POU6F2: variants seen among roughly 807,000 people sequenced by gnomAD.
The protein encoded by POU6F2 is POU class 6 homeobox 2, also known as POU domain, class 6, transcription factor 2.
In POU6F2, 31 loss-of-function variants were observed where a neutral mutation model predicts 71.3. That is an observed-to-expected ratio of 0.43 (90% CI 0.33 to 0.59). The LOEUF (loss-of-function observed/expected upper bound fraction) is 0.59, where lower values mean the gene tolerates loss of function less well. Among genes scored for constraint, POU6F2 ranks in the 20% least tolerant of loss-of-function variants. The probability of loss-of-function intolerance (pLI) is 0.04; values close to 1 mark genes in which losing one functional copy is unlikely to be tolerated. For missense variants in POU6F2, 783 were observed against 856.8 expected (o/e 0.91, Z 1.07); for synonymous variants, 347 against 355.7 (o/e 0.98, Z 0.27).
intron 3 of POU6F2, among the ~76,000 whole-genome samples, chr7:39,206,169 A>G (rs938158190): frequency 1.3e-5 from 2 of 152,230 alleles, no homozygotes; most frequent in Non-Finnish European, 2.9e-5. Context: ...TTCTTGTAGA[A>G]GAACAACAGA....
chr7:39,433,155 C>G lies in POU6F2; in HGVS notation c.1192C>G (p.Gln398Glu). Reference sequence around the variant, plus strand: ...AAGCGGCACTCAGGGCTTGCAAGTGCAGCCAATCACCCCCCAGCTCCTCAC... The same window carrying G: ...AAGCGGCACTCAGGGCTTGCAAGTGGAGCCAATCACCCCCCAGCTCCTCAC... ...AASGTQGLQVQPITPQLLTNA... is the reference protein window; with the variant it reads ...AASGTQGLQVEPITPQLLTNA... The change falls in exon 7 of 10, where the codon CAG (glutamine) becomes GAG (glutamate). Residue 398 changes from glutamine to glutamate, a missense_variant. Physicochemically the swap from Gln to Glu is conservative, Grantham distance 29 (BLOSUM62 2). This residue lies in a region of POU6F2 where 572 missense variants were observed against 572.9 expected (regional missense o/e 1.00). Coordinates refer to ENST00000518318, the MANE Select transcript of POU6F2 (RefSeq NM_001370959.1). 5.0e-6 allele frequency: 8 copies of G among 1,613,878 alleles called. No individual in the cohort carries two copies. Among genetic ancestry groups the G allele is most frequent in the Non-Finnish European group, 6.8e-6 (8 of 1,179,876 alleles).
At chr7:39,430,650 C>T (rs1178556534) in intron 6 of POU6F2, among the ~76,000 whole-genome samples, 2 of 152,178 alleles carry the variant, frequency 1.3e-5, no homozygotes, top group East Asian at 1.9e-4. Context: ...CGGGACAGAA[C>T]GCCTCTCTCT....
chr7:39,035,284 C>G (rs989520605), intron 1 of POU6F2, among the ~76,000 whole-genome samples: 1 of 151,996 alleles, frequency 6.6e-6, no homozygotes, highest in African/African-American at 2.4e-5. Context: ...GCAGTTTCCC[C>G]TCCAGAATAA....
intron 2 of POU6F2, among the ~76,000 whole-genome samples, chr7:39,174,100 G>T (rs747810937): frequency 7.2e-5 from 11 of 152,244 alleles, no homozygotes; most frequent in Non-Finnish European, 1.3e-4. Flanking sequence ...CCAAGTGGGG[G>T]TGTGATGGAG....
At chr7:39,054,708 G>GT (rs963865605) in intron 1 of POU6F2, among the ~76,000 whole-genome samples, 32 of 151,664 alleles carry the variant, frequency 2.1e-4, no homozygotes, top group African/African-American at 7.7e-4. Flanking sequence ...TGCAGCTGCA[G>GT]TGGGGGTGGG....
chr7:39,421,936 A>AT (rs1382569039), intron 6 of POU6F2, among the ~76,000 whole-genome samples: 1 of 152,186 alleles, frequency 6.6e-6, no homozygotes, highest in East Asian at 1.9e-4. Context: ...AATTCTAGAT[A>AT]TTTTTGCTGG....
intron 2 of POU6F2, among the ~76,000 whole-genome samples, chr7:39,170,723 T>C (rs1793201215): frequency 6.6e-6 from 1 of 152,088 alleles, no homozygotes; most frequent in Non-Finnish European, 1.5e-5. Context: ...TCAAAGTAGC[T>C]AAAGGAGAAG....
chr7:39,285,205 A>T (rs1368208681), intron 4 of POU6F2, among the ~76,000 whole-genome samples: 1 of 152,218 alleles, frequency 6.6e-6, no homozygotes, highest in African/African-American at 2.4e-5. Flanking sequence ...TCCTGCAAGG[A>T]TTGGAACTCA....
chr7:39,015,684 A>G (rs2128704982), intron 1 of POU6F2, among the ~76,000 whole-genome samples: 1 of 17,082 alleles, frequency 5.9e-5, no homozygotes, highest in East Asian at 3.3e-3. Flanking sequence ...TATCTATGTT[A>G]TATATCTATA....
At chr7:39,256,342 G>A (rs1305575769) in intron 4 of POU6F2, among the ~76,000 whole-genome samples, 1 of 152,042 alleles carries the variant, frequency 6.6e-6, no homozygotes, top group Non-Finnish European at 1.5e-5. Context: ...GGAAGACCGG[G>A]GTATCAAAAT....
At chr7:39,438,091 C>T (rs976233715) in intron 7 of POU6F2, among the ~76,000 whole-genome samples, 1 of 152,148 alleles carries the variant, frequency 6.6e-6, no homozygotes, top group Non-Finnish European at 1.5e-5. Context: ...GCTATCTCTC[C>T]CCCATCCCCC....
chr7:39,195,138 C>T (rs548192324), intron 2 of POU6F2, among the ~76,000 whole-genome samples: 1 of 152,242 alleles, frequency 6.6e-6, no homozygotes, highest in African/African-American at 2.4e-5. Flanking sequence ...GATTCATATT[C>T]CTATTGTCCC....
intron 5 of POU6F2, among the ~76,000 whole-genome samples, chr7:39,398,614 G>C (rs1472656399): frequency 6.6e-6 from 1 of 152,100 alleles, no homozygotes; most frequent in Admixed American, 6.5e-5. Context: ...GTGGCTCTAA[G>C]GAGGTGATCT....
intron 5 of POU6F2, among the ~76,000 whole-genome samples, chr7:39,357,155 A>G (rs1786277918): frequency 6.6e-6 from 1 of 152,192 alleles, no homozygotes; most frequent in Non-Finnish European, 1.5e-5. Context: ...TGGATCTCCT[A>G]CCTTGAGTGC....
At chr7:39,425,440 C>G (rs1383345383) in intron 6 of POU6F2, among the ~76,000 whole-genome samples, 1 of 152,162 alleles carries the variant, frequency 6.6e-6, no homozygotes, top group Non-Finnish European at 1.5e-5. Flanking sequence ...CCTGACTCTT[C>G]TGACCTTTTT....
intron 1 of POU6F2, among the ~76,000 whole-genome samples, chr7:39,067,561 AC>A (rs1790784406): frequency 2.6e-5 from 4 of 152,078 alleles, no homozygotes; most frequent in Admixed American, 2.6e-4. Flanking sequence ...TTTAATTTTC[AC>A]TAATCTCAAT....
At chr7:39,257,056 T>C (rs1163372617) in intron 4 of POU6F2, among the ~76,000 whole-genome samples, 1 of 152,192 alleles carries the variant, frequency 6.6e-6, no homozygotes, top group Non-Finnish European at 1.5e-5. Flanking sequence ...AGCTCACTTA[T>C]GAGGAACTCC....
Position 39,422,576 on chromosome 7 carries a change from T to G in POU6F2, c.1114-10501T>G, listed in dbSNP as rs181496703. Among the ~76,000 whole-genome samples, 618 of 152,290 alleles carry G rather than the reference T, an allele frequency of 4.1e-3. 2 individuals carry two copies. Among genetic ancestry groups the G allele is most frequent in the Admixed American group, 6.4e-3 (98 of 15,298 alleles). Reference sequence around the variant, plus strand: ...ATGGAGCTGTGCCATTGTTTACAAGTAAGAAATGCATAGGATCCTTGTGAT... The same window carrying G: ...ATGGAGCTGTGCCATTGTTTACAAGGAAGAAATGCATAGGATCCTTGTGAT... On this transcript the variant is annotated intron_variant, in intron 6 of 9. Coordinates refer to ENST00000518318, the MANE Select transcript of POU6F2 (RefSeq NM_001370959.1).
At chr7:38,983,866 T>A (rs1275107382) in intron 1 of POU6F2, among the ~76,000 whole-genome samples, 1 of 152,126 alleles carries the variant, frequency 6.6e-6, no homozygotes, top group African/African-American at 2.4e-5. Context: ...TTATTTACAT[T>A]AAAGGAAATT....
Sources: gnomAD v4.1 joint callset for allele counts (sites outside exome capture counted in the v4.1 genomes callset) on GRCh38, gnomAD v4.1.1 for gene constraint, gnomAD v4.1.1 regional missense constraint, MANE v1.5 for transcripts, NCBI Gene and HGNC (gene_info 2026-07-23, HGNC 2026-07-21) for gene names.